The following FHOD3 variants were observed in gnomAD, a reference collection of about 807,000 sequenced individuals.
FHOD3 encodes the protein formin homology 2 domain containing 3.
In FHOD3, 90 loss-of-function variants were observed where a neutral mutation model predicts 173.0. The ratio of observed to expected loss-of-function variants is 0.52; its 90% CI spans 0.44 to 0.62. The LOEUF (loss-of-function observed/expected upper bound fraction) is 0.62. Among genes scored for constraint, FHOD3 ranks in the 20% least tolerant of loss-of-function variants. The pLI, the probability that FHOD3 is intolerant of heterozygous loss-of-function variation, is 0.00. For missense variants in FHOD3, 1,945 were observed against 2,034.7 expected (o/e 0.96, Z 0.85); for synonymous variants, 828 against 823.0 (o/e 1.01, Z -0.10).
At chr18:36,512,673 T>A in intron 5 of FHOD3, 130 bp downstream of exon 5, 1 of 622,354 alleles carries the variant, frequency 1.6e-6, no homozygotes, top group Non-Finnish European at 2.8e-6. Context: ...AGACACCCTT[T>A]GGCAAAAAAA....
chr18:36,745,227 G>C (rs1568716970), intron 23 of FHOD3, among the ~76,000 whole-genome samples: 2 of 152,172 alleles, frequency 1.3e-5, no homozygotes, highest in Admixed American at 6.5e-5. Context: ...CAGGTGCACC[G>C]AGCAGGGGAC....
intron 5 of FHOD3, among the ~76,000 whole-genome samples, chr18:36,552,373 T>C (rs1245084194): frequency 6.6e-6 from 1 of 152,250 alleles, no homozygotes; most frequent in Non-Finnish European, 1.5e-5. Flanking sequence ...CTGAAGTTGC[T>C]TATGAGCTTA....
At chr18:36,427,882 TAATG>T (rs1166974853) in intron 3 of FHOD3, among the ~76,000 whole-genome samples, 6 of 152,256 alleles carry the variant, frequency 3.9e-5, no homozygotes, top group Non-Finnish European at 5.9e-5. Context: ...TTTTTATTCA[TAATG>T]AACGTAATTG....
At chr18:36,345,725 AACACAGAGAAT>A (rs1342136471) in intron 1 of FHOD3, among the ~76,000 whole-genome samples, 1 of 152,258 alleles carries the variant, frequency 6.6e-6, no homozygotes, top group Non-Finnish European at 1.5e-5. Context: ...AAACATGCCA[AACACAGAGAAT>A]ACAGAAGAAA....
At chr18:36,634,529 A>T (rs184672483) in intron 10 of FHOD3, among the ~76,000 whole-genome samples, 1 of 152,140 alleles carries the variant, frequency 6.6e-6, no homozygotes, top group African/African-American at 2.4e-5. Context: ...GGCAATGAGC[A>T]ATCTATTTGC....
At chr18:36,485,007 G>A (rs2001501) in intron 3 of FHOD3, among the ~76,000 whole-genome samples, 20,222 of 152,106 alleles carry the variant, frequency 0.13, 1,503 homozygotes, top group East Asian at 0.31. Context: ...CTTCATTCCC[G>A]GTGATCACGT....
At chr18:36,717,798 C>T (rs768500721) in intron 18 of FHOD3, 34 bp from the exon 19 acceptor site, 2 of 1,527,452 alleles carry the variant, frequency 1.3e-6, no homozygotes, top group East Asian at 2.3e-5. Flanking sequence ...GCCCCCTTGC[C>T]CCTTTCTCAT....
intron 5 of FHOD3, among the ~76,000 whole-genome samples, chr18:36,539,656 G>A (rs2057128617): frequency 6.6e-6 from 1 of 152,190 alleles, no homozygotes; most frequent in Admixed American, 6.5e-5. Context: ...CAGCAGGTGG[G>A]CGAATCAGAG....
chr18:36,380,218 G>A (rs867014156), intron 3 of FHOD3, among the ~76,000 whole-genome samples: 1 of 152,126 alleles, frequency 6.6e-6, no homozygotes, highest in African/African-American at 2.4e-5. Context: ...AGAATAAGAA[G>A]AAAAGTTAAA....
chr18:36,738,738 G>T (rs1180764443), intron 20 of FHOD3, among the ~76,000 whole-genome samples: 1 of 151,984 alleles, frequency 6.6e-6, no homozygotes, highest in East Asian at 1.9e-4. Flanking sequence ...AAAATCAATG[G>T]GCCACATTTA....
chr18:36,669,040 T>C (rs2037365623), intron 14 of FHOD3, among the ~76,000 whole-genome samples: 1 of 152,022 alleles, frequency 6.6e-6, no homozygotes, highest in Admixed American at 6.5e-5. Context: ...CTTGTCTGTC[T>C]TGTTCTGTTA....
chr18:36,633,454 C>A (rs1282981994), intron 10 of FHOD3, among the ~76,000 whole-genome samples: 1 of 152,212 alleles, frequency 6.6e-6, no homozygotes, highest in African/African-American at 2.4e-5. Flanking sequence ...CCTATTCTAA[C>A]ACCAGCATTT....
chr18:36,730,733 C>G lies in FHOD3; in HGVS notation c.3505C>G (p.Pro1169Ala). Residue 1169 changes from proline to alanine, a missense_variant, in exon 20 of 29, where the codon CCC becomes GCC. Physicochemically the swap from Pro to Ala is conservative, Grantham distance 27. Coordinates refer to ENST00000590592, the MANE Select transcript of FHOD3 (RefSeq NM_001281740.3). ...CATCAATATTGGTCTGACGGTGCTGCCCCCTCCAAGGACGATTAAGATCGC... is the reference window on the plus strand; with the variant it reads ...CATCAATATTGGTCTGACGGTGCTGGCCCCTCCAAGGACGATTAAGATCGC... ...NAINIGLTVLPPPRTIKIAIL... is the reference protein window; with the variant it reads ...NAINIGLTVLAPPRTIKIAIL... 1 of 1,614,036 alleles carries G rather than the reference C, an allele frequency of 6.2e-7. No individual in the cohort carries two copies. The highest frequency in any genetic ancestry group is 8.5e-7 in the Non-Finnish European group (1 of 1,179,958).
intron 1 of FHOD3, among the ~76,000 whole-genome samples, chr18:36,352,210 A>G (rs1249940282): frequency 3.3e-5 from 5 of 152,180 alleles, no homozygotes; most frequent in African/African-American, 1.2e-4. Flanking sequence ...CCAGGAGTTC[A>G]AGACCAGCCT....
intron 10 of FHOD3, among the ~76,000 whole-genome samples, chr18:36,635,405 T>C (rs907152554): frequency 7.9e-5 from 12 of 152,190 alleles, no homozygotes; most frequent in African/African-American, 2.2e-4. Flanking sequence ...TGAAAATCAG[T>C]GTAGTGTTTC....
intron 27 of FHOD3, among the ~76,000 whole-genome samples, chr18:36,768,951 AAC>A (rs2043255367): frequency 6.6e-6 from 1 of 152,178 alleles, no homozygotes; most frequent in African/African-American, 2.4e-5. Flanking sequence ...AGGTAAAGAC[AAC>A]ACACCTGGGT....
intron 1 of FHOD3, among the ~76,000 whole-genome samples, chr18:36,303,942 G>A (rs2144483189): frequency 6.6e-6 from 1 of 152,262 alleles, no homozygotes; most frequent in East Asian, 1.9e-4. Context: ...GGAAAATTAA[G>A]TTACAGTGAA....
At chr18:36,537,527 G>T (rs1205370057) in intron 5 of FHOD3, among the ~76,000 whole-genome samples, 1 of 152,070 alleles carries the variant, frequency 6.6e-6, no homozygotes, top group African/African-American at 2.4e-5. Context: ...TGCTGGGTGG[G>T]TGTCAGAGAA....
chr18:36,532,287 C>T (rs1019664540), intron 5 of FHOD3, among the ~76,000 whole-genome samples: 5 of 152,190 alleles, frequency 3.3e-5, no homozygotes, highest in East Asian at 1.9e-4. Flanking sequence ...TGCCACAATC[C>T]AGTCTTTAGT....
Sources: gnomAD v4.1 joint callset for allele counts (sites outside exome capture counted in the v4.1 genomes callset) on GRCh38, gnomAD v4.1.1 for gene constraint, MANE v1.5 for transcripts, NCBI Gene and HGNC (gene_info 2026-07-23, HGNC 2026-07-21) for gene names.